The following GRIK3 variants were observed in gnomAD, a reference collection of about 807,000 sequenced individuals.
GRIK3 encodes the protein glutamate ionotropic receptor kainate type subunit 3, also known as glutamate receptor ionotropic, kainate 3.
Under a neutral mutation model 102.5 loss-of-function variants are expected in GRIK3, and 29 were observed. The ratio of observed to expected loss-of-function variants is 0.28; its 90% CI spans 0.21 to 0.39. The LOEUF is 0.39. Ranked by LOEUF, GRIK3 falls within the 10% of genes least tolerant of loss-of-function variation. The probability of loss-of-function intolerance (pLI) is 1.00; values close to 1 mark genes in which losing one functional copy is unlikely to be tolerated. For missense variants in GRIK3, 908 were observed against 1,252.4 expected (o/e 0.73, Z 4.15); for synonymous variants, 511 against 504.9 (o/e 1.01, Z -0.16).
chr1:37,015,650 G>A (rs759786773), intron 1 of GRIK3, among the ~76,000 whole-genome samples: 1 of 152,144 alleles, frequency 6.6e-6, no homozygotes, highest in Non-Finnish European at 1.5e-5. Context: ...CCAGGGAGAG[G>A]GTGCCAAGCA....
chr1:36,814,992 C>T (rs768765007), intron 13 of GRIK3, among the ~76,000 whole-genome samples: 4 of 152,144 alleles, frequency 2.6e-5, no homozygotes, highest in Non-Finnish European at 5.9e-5. Context: ...GAGTTGTGCA[C>T]AGGCACATGT....
chr1:36,801,523 T>A lies in GRIK3; in HGVS notation c.*328A>T. ...GCTGTCTTCCATTTTCTGTGCCCTC[T>A]GCAGGGCTGCGGCAGAAACTTCTGA... On this transcript the variant is annotated 3_prime_UTR_variant, in exon 16 of 16. Transcript: ENST00000373091. 4.2e-6 allele frequency: 1 copy of A among 238,350 alleles called. No homozygotes were observed. The highest frequency in any genetic ancestry group is 8.1e-6 in the Non-Finnish European group (1 of 123,408). 14.8% of individuals were successfully genotyped at this position (238,350 alleles called of 1,614,324 possible).
chr1:36,854,875 A>G (rs1640632932), intron 7 of GRIK3, among the ~76,000 whole-genome samples: 1 of 152,238 alleles, frequency 6.6e-6, no homozygotes, highest in South Asian at 2.1e-4. Context: ...ACGAGGAAGC[A>G]GACCTCAAGG....
rs1642478698 is a variant in GRIK3 at position 36,804,736 on chromosome 1, G to A, written c.2565+251C>T. 3 of 552,814 alleles carry A rather than the reference G, an allele frequency of 5.4e-6. No individual in the cohort carries two copies. In the Admixed American group the frequency reaches 1.0e-4, roughly 19 times the overall value. 34.2% of individuals were successfully genotyped at this position (552,814 alleles called of 1,614,324 possible). On this transcript the variant is annotated intron_variant, in intron 15 of 15. Coordinates refer to ENST00000373091, the MANE Select transcript of GRIK3 (RefSeq NM_000831.4). ...GTTGGGGAAGCATGGAGGCTGGAGGGCCAGTTTGAAGGCTGCGGCATAATC... is the reference window on the plus strand; with the variant it reads ...GTTGGGGAAGCATGGAGGCTGGAGGACCAGTTTGAAGGCTGCGGCATAATC...
Position 36,805,244 on chromosome 1 carries a change from A to G in GRIK3, c.2315-7T>C, listed in dbSNP as rs1448160408. 1 of 1,600,866 alleles carries G rather than the reference A, an allele frequency of 6.2e-7. No individual in the cohort carries two copies. Among genetic ancestry groups the G allele is most frequent in the African/African-American group, 1.3e-5 (1 of 74,846 alleles). On this transcript the variant is annotated splice_polypyrimidine_tract_variant and splice_region_variant and intron_variant, in intron 14 of 15. Transcript: ENST00000373091. ...TTGTCCCGGTATGGGGAGCCTGAGC[A>G]GGGAGAAGGGACCCCTAGCCATCAG... is the stretch of plus-strand genomic sequence containing the variant.
intron 14 of GRIK3, among the ~76,000 whole-genome samples, chr1:36,805,677 C>A (rs527245184): frequency 6.6e-6 from 1 of 152,152 alleles, no homozygotes; most frequent in East Asian, 1.9e-4. Flanking sequence ...TGGCTCATGC[C>A]TGTAATCCCA....
At chr1:36,891,917 A>C (rs1641121210) in intron 1 of GRIK3, among the ~76,000 whole-genome samples, 1 of 152,272 alleles carries the variant, frequency 6.6e-6, no homozygotes, top group African/African-American at 2.4e-5. Context: ...CAATCAGTAA[A>C]AAAACTTAAT....
intron 1 of GRIK3, among the ~76,000 whole-genome samples, chr1:36,909,618 G>A (rs1056853972): frequency 4.6e-5 from 7 of 151,550 alleles, no homozygotes; most frequent in Non-Finnish European, 7.4e-5. Context: ...CTTTTTTATC[G>A]GCATGCCCCT....
chr1:36,808,182 A>T (rs1474728861), intron 13 of GRIK3, among the ~76,000 whole-genome samples: 2 of 152,116 alleles, frequency 1.3e-5, no homozygotes, highest in Non-Finnish European at 1.5e-5. Flanking sequence ...TTTTCTAGAA[A>T]ATTTCTGATA....
chr1:36,890,892 A>G (rs757097463), intron 2 of GRIK3, 28 bp downstream of exon 2: 3 of 1,550,428 alleles, frequency 1.9e-6, no homozygotes, highest in Non-Finnish European at 2.6e-6. Context: ...GGCTGGGAAG[A>G]GAACAGAGGC....
chr1:36,939,547 G>T (rs1641697505), intron 1 of GRIK3, among the ~76,000 whole-genome samples: 1 of 152,268 alleles, frequency 6.6e-6, no homozygotes, highest in Admixed American at 6.5e-5. Flanking sequence ...CAGCATGTGA[G>T]GCCAGGGCTG....
chr1:36,936,232 C>T (rs954793663), intron 1 of GRIK3, among the ~76,000 whole-genome samples: 8 of 152,178 alleles, frequency 5.3e-5, no homozygotes, highest in African/African-American at 1.9e-4. Flanking sequence ...AAGCTAGAAT[C>T]ATCCCCCCAT....
At chr1:36,869,549 T>A (rs1640820591) in intron 5 of GRIK3, among the ~76,000 whole-genome samples, 199 bp downstream of exon 5, 1 of 152,140 alleles carries the variant, frequency 6.6e-6, no homozygotes, top group Non-Finnish European at 1.5e-5. Flanking sequence ...AGAGTTCACA[T>A]CCTTAATTAT....
chr1:37,031,749 A>C (rs1642830358), intron 1 of GRIK3, among the ~76,000 whole-genome samples: 1 of 152,248 alleles, frequency 6.6e-6, no homozygotes, highest in Non-Finnish European at 1.5e-5. Context: ...GGCCCAGCCA[A>C]GGTGGTGTGT....
intron 1 of GRIK3, among the ~76,000 whole-genome samples, chr1:36,984,113 C>A (rs145188141): frequency 6.6e-6 from 1 of 152,232 alleles, no homozygotes; most frequent in African/African-American, 2.4e-5. Context: ...ACCTTGCATG[C>A]CTGCAATGTC....
rs1347719211 is a variant in GRIK3, at chr1:36,880,735, A to T, written c.449T>A (p.Val150Glu). The change falls in exon 3 of 16, where the codon GTG becomes GAG. Residue 150 changes from valine to glutamate, a missense_variant. By Grantham distance (121) the Val-to-Glu change is moderately radical. This residue lies in a region of GRIK3 where 585 missense variants were observed against 824.9 expected (regional missense o/e 0.71). Transcript: ENST00000373091. This position sits in a 1 kb window ranked among gnomAD's most constrained non-coding sequence, Gnocchi z 5.4. ...CGAGGCGTAGTCGGGGTAGAGGTTC[A>T]CGTAGAAGGTGTCCTTGTTGTCCAG... ...HPLDNKDTFY[V>E]NLYPDYASLS... 1 of 1,614,064 alleles carries T rather than the reference A, an allele frequency of 6.2e-7. No individual in the cohort carries two copies. Among genetic ancestry groups the T allele is most frequent in the Non-Finnish European group, 8.5e-7 (1 of 1,180,012 alleles).
At chr1:36,879,804 C>T (rs1330259965) in intron 3 of GRIK3, among the ~76,000 whole-genome samples, 2 of 152,128 alleles carry the variant, frequency 1.3e-5, no homozygotes, top group Non-Finnish European at 2.9e-5. Context: ...GCTTTGGGCC[C>T]GCAGCTCATA....
chr1:36,916,226 T>G (rs1310778911), intron 1 of GRIK3, among the ~76,000 whole-genome samples: 1 of 152,126 alleles, frequency 6.6e-6, no homozygotes, highest in African/African-American at 2.4e-5. Flanking sequence ...ATTTAGTGTA[T>G]CTGGTGGAAA....
intron 13 of GRIK3, among the ~76,000 whole-genome samples, chr1:36,809,283 A>C (rs1311438950): frequency 6.6e-6 from 1 of 152,086 alleles, no homozygotes; most frequent in Non-Finnish European, 1.5e-5. Context: ...CACCATGTAC[A>C]TACTAGTTAA....
Sources: allele counts gnomAD v4.1 joint callset (sites outside exome capture counted in the v4.1 genomes callset), GRCh38; gene constraint gnomAD v4.1.1; regional missense constraint gnomAD v4.1.1; non-coding constraint Gnocchi (gnomAD v3.1); transcripts MANE v1.5; gene names NCBI Gene and HGNC (gene_info 2026-07-23, HGNC 2026-07-21).